RIOK2: variants seen among roughly 807,000 people sequenced by gnomAD.
The protein encoded by RIOK2 is serine/threonine-protein kinase RIO2.
A neutral mutation model predicts 62.4 loss-of-function variants in RIOK2; 46 were observed. The ratio of observed to expected loss-of-function variants is 0.74; its 90% CI spans 0.58 to 0.94. The LOEUF is 0.94. Among genes scored for constraint, RIOK2 ranks in the 40% least tolerant of loss-of-function variants. The probability of loss-of-function intolerance (pLI) is 0.00; values close to 1 mark genes in which losing one functional copy is unlikely to be tolerated. For missense variants in RIOK2, 574 were observed against 658.0 expected (o/e 0.87, Z 1.40); for synonymous variants, 197 against 216.0 (o/e 0.91, Z 0.77).
chr5:97,182,973 T>C (rs1315123537), intron 1 of RIOK2, 153 bp downstream of exon 1: 1 of 840,392 alleles, frequency 1.2e-6, no homozygotes, highest in Non-Finnish European at 2.1e-6. Context: ...TTTTTAAAAA[T>C]CCGACTTTCT....
At chr5:97,178,525 A>G (rs1421543963) in intron 2 of RIOK2, among the ~76,000 whole-genome samples, 1 of 146,212 alleles carries the variant, frequency 6.8e-6, no homozygotes, top group African/African-American at 2.6e-5. Flanking sequence ...GCAGTACTCT[A>G]CCTGCTCTTA....
Position 97,183,110 on chromosome 5 carries a change from A to G in RIOK2, c.66+16T>C. ...GTGTTAAGGGGAAGGGAGAACAGGA[A>G]CGGCGGGTTTCTTACCGCGGTCAAG... is the stretch of plus-strand genomic sequence containing the variant. On this transcript the variant is annotated intron_variant, in intron 1 of 9. Transcript: ENST00000283109. 1 of 1,613,992 alleles carries G rather than the reference A, an allele frequency of 6.2e-7. No homozygotes were observed. The highest frequency in any genetic ancestry group is 1.1e-5 in the South Asian group (1 of 91,078).
chr5:97,167,819 C>T lies in RIOK2; in HGVS notation c.1045G>A (p.Gly349Arg), dbSNP rs160632. Residue 349 changes from glycine to arginine, a missense_variant, in exon 8 of 10, where the codon GGG (glycine) becomes AGG (arginine). Coordinates refer to ENST00000283109, the MANE Select transcript of RIOK2 (RefSeq NM_018343.3). ...TTCCGTTCACTTTCATTTTCTGACC[C>T]GTAAACCTCTGCTTTTTCTGCCACT... ...GEVAEKAEVY[G>R]SENESERNCL... 965,330 of 1,613,782 alleles carry T rather than the reference C, an allele frequency of 0.6. 289,796 individuals carry two copies. Among genetic ancestry groups the T allele is most frequent in the South Asian group, 0.62 (56,723 of 91,074 alleles).
intron 8 of RIOK2, among the ~76,000 whole-genome samples, chr5:97,165,619 A>T (rs1748824269): frequency 6.6e-6 from 1 of 152,242 alleles, no homozygotes; most frequent in Non-Finnish European, 1.5e-5. Flanking sequence ...CACATGGCTC[A>T]AAGTTTCAAT....
chr5:97,180,142 G>GTATATATATA (rs372779229), intron 1 of RIOK2, among the ~76,000 whole-genome samples: 9 of 96,070 alleles, frequency 9.4e-5, no homozygotes, highest in African/African-American at 3.7e-4. Context: ...ATATATATAT[G>GTATATATATA]TATATATATA....
chr5:97,182,944 T>G lies in RIOK2; in HGVS notation c.66+182A>C. On this transcript the variant is annotated intron_variant, in intron 1 of 9. Transcript: ENST00000283109. The stretch of plus-strand genomic sequence containing the variant: ...GACCTTTGCTCTATCTGGGGGAAGG[T>G]AAGCTCCCAAACAAAACCTTTTTAA... 3 of 725,818 alleles carry G rather than the reference T, an allele frequency of 4.1e-6. No homozygotes were observed. The South Asian group carries it at 4.4e-5, about 11-fold the overall frequency. The allele number at this position is 725,818 out of a possible 1,614,324, so 45.0% of individuals were successfully genotyped here.
rs935760284 is a variant in RIOK2 at position 97,162,954 on chromosome 5, T to G, written c.*107A>C. The G allele has an allele frequency of 6.6e-6, 6 of 911,580 alleles. No individual in the cohort carries two copies. In the African/African-American group the frequency reaches 1.0e-4, roughly 15 times the overall value. The allele number at this position is 911,580 out of a possible 1,614,324, so 56.5% of individuals were successfully genotyped here. On this transcript the variant is annotated 3_prime_UTR_variant, in exon 10 of 10. Transcript: ENST00000283109. ...AAATTTATAGATGAAAGAGGGTTTA[T>G]TTATTAATATATGATAGCCTTGGCT...
Position 97,173,155 on chromosome 5 carries a change from T to A in RIOK2, c.587+20A>T, listed in dbSNP as rs1326469352. The A allele has an allele frequency of 3.3e-6, 5 of 1,535,958 alleles. No homozygotes were observed. The highest frequency in any genetic ancestry group is 4.5e-6 in the Non-Finnish European group (5 of 1,119,914). On this transcript the variant is annotated intron_variant, in intron 5 of 9. Coordinates refer to ENST00000283109, the MANE Select transcript of RIOK2 (RefSeq NM_018343.3). ...ATTCATTTATCAGGATTCATGGCTT[T>A]AAGAATAATGAATACTTACAGTGGA...
chr5:97,165,214 T>C lies in RIOK2; in HGVS notation c.1398-67A>G, dbSNP rs576812810. 252 of 757,196 alleles carry C rather than the reference T, an allele frequency of 3.3e-4. 1 individual carries two copies. In the African/African-American group the frequency reaches 4.1e-3, roughly 12 times the overall value. 46.9% of individuals were successfully genotyped at this position (757,196 alleles called of 1,614,324 possible). On this transcript the variant is annotated intron_variant, in intron 8 of 9. Coordinates refer to ENST00000283109, the MANE Select transcript of RIOK2 (RefSeq NM_018343.3). ...AATGTAATGAATCCCATTTGATTAA[T>C]TTATATTATTTTTTGCATGCAGCAA... is the stretch of plus-strand genomic sequence containing the variant.
At chr5:97,169,504 A>G (rs1322921171) in intron 6 of RIOK2, among the ~76,000 whole-genome samples, 1 of 152,204 alleles carries the variant, frequency 6.6e-6, no homozygotes, top group Non-Finnish European at 1.5e-5. Flanking sequence ...AATGGATTCA[A>G]TTCTCTAGAA....
chr5:97,179,963 T>TTATA (rs200862093), intron 1 of RIOK2, among the ~76,000 whole-genome samples: 7 of 47,400 alleles, frequency 1.5e-4, no homozygotes, highest in Admixed American at 3.7e-4. Flanking sequence ...TAAAAGTATT[T>TTATA]TATATATATA....
chr5:97,175,880 T>A (rs990708233), intron 4 of RIOK2: 12 of 152,244 alleles, frequency 7.9e-5, no homozygotes, highest in Admixed American at 2.0e-4. Flanking sequence ...GATATTATTA[T>A]ATTTAACAAT....
At chr5:97,169,349 T>C (rs971459427) in intron 6 of RIOK2, among the ~76,000 whole-genome samples, 2 of 152,246 alleles carry the variant, frequency 1.3e-5, no homozygotes, top group Non-Finnish European at 2.9e-5. Context: ...ATCTTTGTTA[T>C]CCATTAGCCG....
Position 97,164,954 on chromosome 5 carries a change from G to A in RIOK2, c.1494+97C>T, listed in dbSNP as rs771535994. Reference sequence around the variant, plus strand: ...GTCAAAAAGCAATCAACAGAAGTCTGTACCTGAAAGGCATACATTATTGTT... The same window carrying A: ...GTCAAAAAGCAATCAACAGAAGTCTATACCTGAAAGGCATACATTATTGTT... On this transcript the variant is annotated intron_variant, in intron 9 of 9. Transcript: ENST00000283109. The A allele has an allele frequency of 1.6e-4, 104 of 643,582 alleles. No individual in the cohort carries two copies. In the East Asian group the frequency reaches 3.1e-3, roughly 19 times the overall value. 39.9% of individuals were successfully genotyped at this position (643,582 alleles called of 1,614,324 possible). A position where few individuals can be genotyped will look rare whatever the true frequency, so the allele number is the denominator to read the frequency against.
rs773531065 is a variant in RIOK2 at position 97,161,068 on chromosome 5, C to G, written c.*1993G>C. The stretch of plus-strand genomic sequence containing the variant: ...AGTCATTTTAGCAGTACTAACCATA[C>G]AGTATATGTCAGGCACTGTAATAAA... On this transcript the variant is annotated 3_prime_UTR_variant, in exon 10 of 10. Transcript: ENST00000283109. The G allele has an allele frequency of 6.6e-6, 1 of 152,170 alleles. No individual in the cohort carries two copies. Among genetic ancestry groups the G allele is most frequent in the Non-Finnish European group, 1.5e-5 (1 of 68,026 alleles). 9.4% of individuals were successfully genotyped at this position (152,170 alleles called of 1,614,324 possible).
At chr5:97,179,383 T>C (rs1360049833) in intron 1 of RIOK2, among the ~76,000 whole-genome samples, 190 bp from the exon 2 acceptor site, 1 of 152,206 alleles carries the variant, frequency 6.6e-6, no homozygotes, top group South Asian at 2.1e-4. Flanking sequence ...GATATTTGTA[T>C]TGGCTTTCCA....
At chr5:97,171,501 C>A (rs1749008724) in intron 5 of RIOK2, 104 bp from the exon 6 acceptor site, 5 of 679,864 alleles carry the variant, frequency 7.4e-6, no homozygotes, top group African/African-American at 1.9e-5. Flanking sequence ...TGCTGTGTAT[C>A]CCCAGCAGCT....
chr5:97,177,987 AT>A, intron 2 of RIOK2, 139 bp from the exon 3 acceptor site: 2 of 582,552 alleles, frequency 3.4e-6, no homozygotes, highest in Non-Finnish European at 6.1e-6. Flanking sequence ...CAAGCTTCCA[AT>A]TTCTTCCTAT....
chr5:97,179,048 T>C lies in RIOK2; in HGVS notation c.205+7A>G, dbSNP rs1485937457. 6.2e-7 allele frequency: 1 copy of C among 1,613,816 alleles called. No individual in the cohort carries two copies. The highest frequency in any genetic ancestry group is 1.1e-5 in the South Asian group (1 of 91,048). ...AAAAATCACAAATGGTGCCTCAAAA[T>C]ACTTACTTTTGGTACGCTCCCAAGC... On this transcript the variant is annotated splice_region_variant and intron_variant, in intron 2 of 9. Transcript: ENST00000283109.
Sources: gnomAD v4.1 joint callset for allele counts (sites outside exome capture counted in the v4.1 genomes callset) on GRCh38, gnomAD v4.1.1 for gene constraint, MANE v1.5 for transcripts, NCBI Gene and HGNC (gene_info 2026-07-23, HGNC 2026-07-21) for gene names.